UGT1A3: variants seen among roughly 807,000 people sequenced by gnomAD.
UGT1A3 encodes the protein UDP-glucuronosyltransferase 1A3.
In UGT1A3, 31 loss-of-function variants were observed where a neutral mutation model predicts 41.0. The observed-to-expected ratio is 0.76, with a 90% CI of 0.57 to 1.02. UGT1A3 has a LOEUF of 1.02. Among genes scored for constraint, UGT1A3 ranks in the 50% least tolerant of loss-of-function variants. The pLI, the probability that UGT1A3 is intolerant of heterozygous loss-of-function variation, is 0.00. For missense variants in UGT1A3, 737 were observed against 671.0 expected (o/e 1.10, Z -1.09); for synonymous variants, 262 against 257.6 (o/e 1.02, Z -0.17).
intron 1 of UGT1A3, among the ~76,000 whole-genome samples, chr2:233,730,664 G>A (rs11891311): frequency 0.41 from 62,447 of 151,822 alleles, 13,776 homozygotes; most frequent in African/African-American, 0.57. Context: ...GAGTTCGGAA[G>A]GCAAAGTAAT....
At chr2:233,747,962 C>G (rs780665543) in intron 1 of UGT1A3, 4 of 1,613,470 alleles carry the variant, frequency 2.5e-6, no homozygotes, top group Non-Finnish European at 2.5e-6. Context: ...ATCTTCTCAG[C>G]CATGCATCTG....
Position 233,747,650 on chromosome 2 carries a change from C to T in UGT1A3, c.867+17657C>T, listed in dbSNP as rs980868950. 70 of 1,587,860 alleles carry T rather than the reference C, an allele frequency of 4.4e-5. 1 individual carries two copies. The highest frequency in any genetic ancestry group is 2.1e-4 in the South Asian group (19 of 90,526). On this transcript the variant is annotated intron_variant, in intron 1 of 4. Transcript: ENST00000482026. Reference sequence around the variant, plus strand: ...TCAGGCACCTGAATGCTACTTCCTTCGATGTGGTTTTAATAGACCCAATTT... The same window carrying T: ...TCAGGCACCTGAATGCTACTTCCTTTGATGTGGTTTTAATAGACCCAATTT...
chr2:233,757,560 A>ATATATATATG (rs904896556), intron 1 of UGT1A3, among the ~76,000 whole-genome samples: 18 of 123,146 alleles, frequency 1.5e-4, no homozygotes, highest in African/African-American at 6.1e-4. Flanking sequence ...ATATATATAT[A>ATATATATATG]TGTATATATG....
chr2:233,730,485 A>C (rs879945186), intron 1 of UGT1A3, among the ~76,000 whole-genome samples: 5 of 152,208 alleles, frequency 3.3e-5, no homozygotes, highest in Non-Finnish European at 7.3e-5. Context: ...CTCACATGAA[A>C]TAGAAGTGTC....
intron 1 of UGT1A3, chr2:233,743,985 A>C (rs1333314866): frequency 3.1e-6 from 4 of 1,283,108 alleles, no homozygotes; most frequent in Non-Finnish European, 4.1e-6. Flanking sequence ...ACCCAGGCGC[A>C]GGCCCGAGTG....
At chr2:233,739,410 G>A (rs1691084493) in intron 1 of UGT1A3, among the ~76,000 whole-genome samples, 1 of 152,204 alleles carries the variant, frequency 6.6e-6, no homozygotes, top group Non-Finnish European at 1.5e-5. Flanking sequence ...GCCACCCTCT[G>A]AAAGCAGCCA....
chr2:233,748,611 A>G (rs1693987516), intron 1 of UGT1A3, among the ~76,000 whole-genome samples: 1 of 151,804 alleles, frequency 6.6e-6, no homozygotes, highest in Non-Finnish European at 1.5e-5. Context: ...AGAGCAACGA[A>G]CGTGGGATAT....
chr2:233,733,638 G>C (rs913820039), intron 1 of UGT1A3, among the ~76,000 whole-genome samples: 1 of 152,200 alleles, frequency 6.6e-6, no homozygotes, highest in African/African-American at 2.4e-5. Flanking sequence ...AACCAGCCTT[G>C]CATCCCAAGG....
intron 1 of UGT1A3, among the ~76,000 whole-genome samples, chr2:233,741,294 T>C (rs954332893): frequency 1.3e-5 from 2 of 151,798 alleles, no homozygotes; most frequent in African/African-American, 4.9e-5. Context: ...ATGTACCCAA[T>C]TGTGTAGATA....
At chr2:233,755,453 T>A (rs1392430727) in intron 1 of UGT1A3, 2 of 305,122 alleles carry the variant, frequency 6.6e-6, no homozygotes, top group Non-Finnish European at 1.3e-5. Context: ...CTCCTGGGAC[T>A]GGCCCTGCTC....
intron 1 of UGT1A3, among the ~76,000 whole-genome samples, chr2:233,763,098 A>G (rs1698235634): frequency 6.6e-6 from 1 of 152,204 alleles, no homozygotes; most frequent in South Asian, 2.1e-4. Context: ...TAGGAGAGGC[A>G]CCGAACTTTA....
At chr2:233,757,033 A>T (rs1308821076) in intron 1 of UGT1A3, among the ~76,000 whole-genome samples, 1 of 151,746 alleles carries the variant, frequency 6.6e-6, no homozygotes, top group African/African-American at 2.4e-5. Flanking sequence ...CAATTTGAGA[A>T]CATCAAAGGA....
intron 1 of UGT1A3, chr2:233,753,507 T>C (rs1224200791): frequency 6.6e-6 from 1 of 152,242 alleles, no homozygotes; most frequent in African/African-American, 2.4e-5. Context: ...TCAGCCTGTC[T>C]AGTTGTTGCC....
chr2:233,731,097 CT>C (rs1455789609), intron 1 of UGT1A3, among the ~76,000 whole-genome samples: 1 of 151,946 alleles, frequency 6.6e-6, no homozygotes, highest in South Asian at 2.1e-4. Flanking sequence ...ATTTCTGTGC[CT>C]TTTTTATAAA....
chr2:233,742,756 G>T (rs1692089977), intron 1 of UGT1A3: 1 of 153,056 alleles, frequency 6.5e-6, no homozygotes, highest in Middle Eastern at 3.4e-3. Flanking sequence ...AAAATATTAA[G>T]ATAATAAATG....
At chr2:233,757,535 A>AATATATATACATATACATACATAT (rs376887521) in intron 1 of UGT1A3, among the ~76,000 whole-genome samples, 1 of 88,310 alleles carries the variant, frequency 1.1e-5, no homozygotes, top group South Asian at 5.2e-4. Flanking sequence ...GCCTGTAAGG[A>AATATATATACATATACATACATAT]ATATATATAT....
intron 1 of UGT1A3, among the ~76,000 whole-genome samples, chr2:233,757,151 G>T (rs1696421194): frequency 6.6e-6 from 1 of 151,298 alleles, no homozygotes; most frequent in African/African-American, 2.4e-5. Flanking sequence ...GGTGGGCTGG[G>T]GTCTATCCCA....
chr2:233,772,707 C>G lies in UGT1A3; in HGVS notation c.*148C>G, dbSNP rs1471091659. 6.8e-7 allele frequency: 1 copy of G among 1,472,874 alleles called. No homozygotes were observed. Among genetic ancestry groups the G allele is most frequent in the African/African-American group, 1.4e-5 (1 of 70,352 alleles). The allele number at this position is 1,472,874 out of a possible 1,614,324, so 91.2% of individuals were successfully genotyped here. The stretch of plus-strand genomic sequence containing the variant: ...GCCCCAGAGTGCTTTAAAAAATTCT[C>G]TTAAATAAAAATAATAGACTCGCTA... On this transcript the variant is annotated 3_prime_UTR_variant, in exon 5 of 5. Coordinates refer to ENST00000482026, the MANE Select transcript of UGT1A3 (RefSeq NM_019093.4).
intron 1 of UGT1A3, chr2:233,743,939 C>T: frequency 7.4e-7 from 1 of 1,355,422 alleles, no homozygotes; most frequent in Non-Finnish European, 9.9e-7. Context: ...GAACGGCCCA[C>T]CAGGCACTGG....
Sources: gnomAD v4.1 joint callset for allele counts (sites outside exome capture counted in the v4.1 genomes callset) on GRCh38, gnomAD v4.1.1 for gene constraint, MANE v1.5 for transcripts, NCBI Gene and HGNC (gene_info 2026-07-23, HGNC 2026-07-21) for gene names.